Variants in MRE11 observed in about 807,000 individuals in gnomAD.
MRE11 encodes the protein MRE11 double strand break repair nuclease, also known as double-strand break repair protein MRE11.
Under a neutral mutation model 91.7 loss-of-function variants are expected in MRE11, and 62 were observed. The ratio of observed to expected loss-of-function variants is 0.68; its 90% CI spans 0.55 to 0.84. MRE11 has a LOEUF of 0.84. Among genes scored for constraint, MRE11 ranks in the 40% least tolerant of loss-of-function variants. MRE11 has a pLI of 0.00. For synonymous variants in MRE11, 273 were observed against 271.4 expected, an observed-to-expected ratio of 1.01 and a Z score of -0.06; for missense variants, 796 against 852.9, an observed-to-expected ratio of 0.93 and a Z score of 0.83.
chr11:94,417,658 C>T lies in MRE11; in HGVS notation c.*2467G>A, dbSNP rs1945064018. ...AGAAAGGAGAAAACAATATAATGGGCATCCAGGACACTGCGCTATTTCTTG... is the reference window on the plus strand; with the variant it reads ...AGAAAGGAGAAAACAATATAATGGGTATCCAGGACACTGCGCTATTTCTTG... On this transcript the variant is annotated 3_prime_UTR_variant, in exon 20 of 20. Transcript: ENST00000323929. 3 of 232,912 alleles carry T rather than the reference C, an allele frequency of 1.3e-5. No individual in the cohort carries two copies. The highest frequency in any genetic ancestry group is 1.7e-5 in the Non-Finnish European group (2 of 117,920). The allele number at this position is 232,912 out of a possible 1,614,324, so 14.4% of individuals were successfully genotyped here. A position where few individuals can be genotyped will look rare whatever the true frequency, so the allele number is the denominator to read the frequency against.
In MRE11 at chr11:94,481,063, C is replaced by G. The variant is rs112176724; in HGVS notation, c.315-1302G>C. On this transcript the variant is annotated intron_variant, in intron 4 of 19. Coordinates refer to ENST00000323929, the MANE Select transcript of MRE11 (RefSeq NM_005591.4). ...GTGGCTCACATCTGTAATCCCAGCA[C>G]TTTGGGAGGCCGAGGTGGGCAGATC... Among the ~76,000 whole-genome samples, 1,348 of 152,248 alleles carry G rather than the reference C, an allele frequency of 8.9e-3. 22 individuals carry two copies. The highest frequency in any genetic ancestry group is 0.031 in the African/African-American group (1,293 of 41,528).
At position 94,419,891 on chromosome 11, in the gene MRE11, G is replaced by C. The variant is rs1281785492; in HGVS notation, c.*234C>G. On this transcript the variant is annotated 3_prime_UTR_variant, in exon 20 of 20. Coordinates refer to ENST00000323929, the MANE Select transcript of MRE11 (RefSeq NM_005591.4). ...CATTATGAAATAGAAATGTAAAATGGTAGCTTTATTTTAATCTTTACTCAA... is the reference window on the plus strand; with the variant it reads ...CATTATGAAATAGAAATGTAAAATGCTAGCTTTATTTTAATCTTTACTCAA... The C allele has an allele frequency of 1.3e-5, 4 of 318,048 alleles. No homozygotes were observed. The East Asian group carries it at 1.8e-4, about 14-fold the overall frequency. The allele number at this position is 318,048 out of a possible 1,614,324, so 19.7% of individuals were successfully genotyped here.
At chr11:94,435,428 C>T (rs1233423508) in intron 18 of MRE11, among the ~76,000 whole-genome samples, 3 of 152,104 alleles carry the variant, frequency 2.0e-5, no homozygotes, top group East Asian at 1.9e-4. Context: ...TGGTGGTGCA[C>T]GTCTGTAATC....
intron 6 of MRE11, among the ~76,000 whole-genome samples, chr11:94,478,227 C>A (rs942280683): frequency 1.3e-5 from 2 of 152,076 alleles, no homozygotes; most frequent in African/African-American, 4.8e-5. Context: ...GATATGATCC[C>A]TAATAACACT....
chr11:94,492,138 CT>C (rs950941745), intron 2 of MRE11, among the ~76,000 whole-genome samples: 27 of 148,094 alleles, frequency 1.8e-4, no homozygotes, highest in East Asian at 1.8e-3. Context: ...TCCCACATAA[CT>C]TTTTTTTTTT....
In MRE11 at chr11:94,458,755, T is replaced by A. The variant is rs550784741; in HGVS notation, c.1500+653A>T. 4.6e-5 allele frequency among the ~76,000 whole-genome samples: 7 copies of A among 152,308 alleles called. No homozygotes were observed. In the East Asian group the frequency reaches 1.3e-3, roughly 29 times the overall value. ...GACAAACAAAAGATGTATTTGAGTT[T>A]CTTTGATTATCCTAGGCTAAACACC... On this transcript the variant is annotated intron_variant, in intron 13 of 19. Transcript: ENST00000323929.
At chr11:94,506,026 A>G in the MRE11 span, among the ~76,000 whole-genome samples, 1 of 152,206 alleles carries the variant, frequency 6.6e-6, no homozygotes, top group African/African-American at 2.4e-5. Context: ...AGGTTTGTGT[A>G]AGTGCATTCT....
intron 3 of MRE11, among the ~76,000 whole-genome samples, chr11:94,488,007 T>C (rs934301250): frequency 3.3e-5 from 5 of 152,150 alleles, no homozygotes; most frequent in African/African-American, 1.2e-4. Flanking sequence ...ATCAAGAGAA[T>C]GAGTAAATAT....
At chr11:94,496,263 T>A (rs1304617898), upstream of MRE11, among the ~76,000 whole-genome samples, 3 of 152,350 alleles carry the variant, frequency 2.0e-5, no homozygotes, top group South Asian at 6.2e-4. Flanking sequence ...ATAAAAATCT[T>A]GAATGCACCT....
At chr11:94,426,944 G>A (rs1294567472) in intron 19 of MRE11, among the ~76,000 whole-genome samples, 1 of 152,056 alleles carries the variant, frequency 6.6e-6, no homozygotes, top group African/African-American at 2.4e-5. Context: ...TAGACTACAT[G>A]GATTCACAGC....
At chr11:94,502,457 C>T in the MRE11 span, among the ~76,000 whole-genome samples, 1 of 152,166 alleles carries the variant, frequency 6.6e-6, no homozygotes, top group South Asian at 2.1e-4. Flanking sequence ...ATTCCATTTT[C>T]TTTAATATTA....
chr11:94,474,802 C>T (rs1946809680), intron 7 of MRE11, among the ~76,000 whole-genome samples: 1 of 152,142 alleles, frequency 6.6e-6, no homozygotes, highest in African/African-American at 2.4e-5. Flanking sequence ...TGCTGCTATT[C>T]TACCTTTCAT....
intron 1 of MRE11, among the ~76,000 whole-genome samples, chr11:94,493,134 C>T (rs1300456115): frequency 6.6e-6 from 1 of 152,084 alleles, no homozygotes; most frequent in Non-Finnish European, 1.5e-5. Flanking sequence ...GATTAAACTC[C>T]TATTTTCCTT....
intron 9 of MRE11, among the ~76,000 whole-genome samples, chr11:94,468,966 G>C: frequency 6.6e-6 from 1 of 152,150 alleles, no homozygotes; most frequent in Non-Finnish European, 1.5e-5. Flanking sequence ...TAGGTCAAGT[G>C]CTGAGACAGA....
At chr11:94,456,602 G>A (rs1056131600) in intron 13 of MRE11, among the ~76,000 whole-genome samples, 1 of 151,914 alleles carries the variant, frequency 6.6e-6, no homozygotes, top group African/African-American at 2.4e-5. Context: ...CTTTCAGACT[G>A]TACAGGAAAA....
At chr11:94,437,674 T>C (rs1945658308) in intron 16 of MRE11, among the ~76,000 whole-genome samples, 1 of 152,232 alleles carries the variant, frequency 6.6e-6, no homozygotes, top group South Asian at 2.1e-4. Flanking sequence ...AGTAGCCATA[T>C]TCAATATCTA....
At chr11:94,479,559 T>G in intron 5 of MRE11, 115 bp downstream of exon 5, 1 of 868,630 alleles carries the variant, frequency 1.2e-6, no homozygotes, top group Non-Finnish European at 1.9e-6. Context: ...AAAGTCAACT[T>G]GACTTTTGAC....
At position 94,492,795 on chromosome 11, in the gene MRE11, T is replaced by C. The variant is rs876658926; in HGVS notation, c.7A>G (p.Thr3Ala). 12 of 1,613,900 alleles carry C rather than the reference T, an allele frequency of 7.4e-6. No individual in the cohort carries two copies. The highest frequency in any genetic ancestry group is 2.2e-5 in the South Asian group (2 of 91,074). ...TCAGGTGCTTACAGTGCATCTGCAGTACTCATTTTTATGGTCAGTCAAGCT... is the reference window on the plus strand; with the variant it reads ...TCAGGTGCTTACAGTGCATCTGCAGCACTCATTTTTATGGTCAGTCAAGCT... MSTADALDDENTF... is the reference protein window; with the variant it reads MSAADALDDENTF... Residue 3 changes from threonine (T) to alanine (A), a missense_variant, in exon 2 of 20, where the codon ACT becomes GCT. By Grantham distance (58) the Thr-to-Ala change is moderately conservative. Coordinates refer to ENST00000323929, the MANE Select transcript of MRE11 (RefSeq NM_005591.4).
the MRE11 span, among the ~76,000 whole-genome samples, chr11:94,504,185 T>G: frequency 6.6e-6 from 1 of 152,218 alleles, no homozygotes; most frequent in African/African-American, 2.4e-5. Flanking sequence ...TTTGCAGGTG[T>G]ACACAACTGT....
Sources: gnomAD v4.1 joint callset for allele counts (sites outside exome capture counted in the v4.1 genomes callset) on GRCh38, gnomAD v4.1.1 for gene constraint, MANE v1.5 for transcripts, NCBI Gene and HGNC (gene_info 2026-07-23, HGNC 2026-07-21) for gene names.